The following MRPS28 variants were observed in gnomAD, a reference collection of about 807,000 sequenced individuals.
MRPS28 encodes small ribosomal subunit protein bS1m.
In MRPS28, 7 loss-of-function variants were observed where a neutral mutation model predicts 10.8. That is an observed-to-expected ratio of 0.65 (90% CI 0.37 to 1.22). MRPS28 has a LOEUF of 1.22. Among genes scored for constraint, MRPS28 ranks in the 50% most tolerant of loss-of-function variants. The pLI, the probability that MRPS28 is intolerant of heterozygous loss-of-function variation, is 0.02. For synonymous variants in MRPS28, 121 were observed against 93.3 expected (o/e 1.30, Z -1.71); for missense variants, 265 against 232.9 (o/e 1.14, Z -0.90).
chr8:79,919,161 A>C lies in MRPS28; in HGVS notation c.396-13T>G, dbSNP rs758952530. On this transcript the variant is annotated splice_polypyrimidine_tract_variant and intron_variant, in intron 2 of 2. Transcript: ENST00000276585. ...TTTCTGGTATTTCCTAAATAGTTAA[A>C]AAAAAAAAAATCCATTAATTCTGAA... is the stretch of plus-strand genomic sequence containing the variant. The C allele has an allele frequency of 2.6e-6, 4 of 1,539,494 alleles. No individual in the cohort carries two copies. The East Asian group carries it at 9.1e-5, about 35-fold the overall frequency.
At chr8:79,977,569 C>A (rs1302027999) in intron 2 of MRPS28, among the ~76,000 whole-genome samples, 1 of 152,146 alleles carries the variant, frequency 6.6e-6, no homozygotes, top group Non-Finnish European at 1.5e-5. Context: ...GCAATCCCAG[C>A]ACTTTGGGAG....
chr8:80,017,471 A>T (rs1016574933), intron 1 of MRPS28, among the ~76,000 whole-genome samples: 1 of 152,230 alleles, frequency 6.6e-6, no homozygotes, highest in African/African-American at 2.4e-5. Flanking sequence ...TACTATAAAC[A>T]ACTCTATACC....
At chr8:79,986,909 G>C (rs988234256) in intron 2 of MRPS28, among the ~76,000 whole-genome samples, 2 of 152,130 alleles carry the variant, frequency 1.3e-5, no homozygotes, top group Admixed American at 6.5e-5. Context: ...TTTCTTCACA[G>C]AATTGGAAAA....
intron 1 of MRPS28, among the ~76,000 whole-genome samples, chr8:80,028,298 C>T (rs1404725648): frequency 1.3e-5 from 2 of 152,004 alleles, no homozygotes; most frequent in African/African-American, 2.4e-5. Flanking sequence ...CTTTCCTATA[C>T]ATATATTTGG....
intron 2 of MRPS28, among the ~76,000 whole-genome samples, chr8:79,968,464 A>G (rs1249117470): frequency 6.6e-6 from 1 of 152,158 alleles, no homozygotes; most frequent in Non-Finnish European, 1.5e-5. Context: ...CCTGTCCAGC[A>G]TCAATCTTTG....
chr8:79,927,222 G>A (rs1810253200), intron 2 of MRPS28, among the ~76,000 whole-genome samples: 1 of 152,090 alleles, frequency 6.6e-6, no homozygotes, highest in South Asian at 2.1e-4. Flanking sequence ...GCTACATAAG[G>A]TTTACTGTCA....
chr8:79,968,354 T>C (rs1313369319), intron 2 of MRPS28, among the ~76,000 whole-genome samples: 1 of 152,198 alleles, frequency 6.6e-6, no homozygotes, highest in Non-Finnish European at 1.5e-5. Context: ...CAGAACCACA[T>C]AAATTTCTGG....
intron 1 of MRPS28, among the ~76,000 whole-genome samples, chr8:80,025,075 C>A (rs1415585940): frequency 6.6e-6 from 1 of 152,142 alleles, no homozygotes; most frequent in Non-Finnish European, 1.5e-5. Context: ...ATATTTTAAG[C>A]AGAAACCATT....
At chr8:79,961,930 T>C (rs1807380137) in intron 2 of MRPS28, among the ~76,000 whole-genome samples, 1 of 152,148 alleles carries the variant, frequency 6.6e-6, no homozygotes, top group South Asian at 2.1e-4. Flanking sequence ...GTAAATATTA[T>C]TTTTATTCCA....
chr8:80,016,737 GTTAA>G (rs1466501556), intron 1 of MRPS28, among the ~76,000 whole-genome samples: 1 of 152,102 alleles, frequency 6.6e-6, no homozygotes, highest in East Asian at 1.9e-4. Flanking sequence ...TAATAAAAGG[GTTAA>G]TTATCTGAAG....
chr8:79,923,567 C>CA (rs1466264376), intron 2 of MRPS28, among the ~76,000 whole-genome samples: 1 of 152,100 alleles, frequency 6.6e-6, no homozygotes, highest in Admixed American at 6.6e-5. Context: ...AAAAGCCCCC[C>CA]AGGCAGCAGT....
chr8:79,989,427 C>A (rs1393221252), intron 2 of MRPS28, among the ~76,000 whole-genome samples: 3 of 151,868 alleles, frequency 2.0e-5, no homozygotes, highest in African/African-American at 7.3e-5. Context: ...AGAACAGATG[C>A]CTAAGAGTGA....
At chr8:79,928,610 T>C (rs1468629160) in intron 2 of MRPS28, among the ~76,000 whole-genome samples, 5 of 151,850 alleles carry the variant, frequency 3.3e-5, no homozygotes, top group Non-Finnish European at 5.9e-5. Flanking sequence ...TGGCTAATTT[T>C]TTGTATTTTT....
intron 2 of MRPS28, among the ~76,000 whole-genome samples, chr8:79,959,613 A>G (rs1324827508): frequency 6.6e-6 from 1 of 152,140 alleles, no homozygotes; most frequent in Non-Finnish European, 1.5e-5. Context: ...TGCAGCAAAT[A>G]GAAATGTAAG....
chr8:79,969,319 G>A (rs1469327742), intron 2 of MRPS28, among the ~76,000 whole-genome samples: 1 of 152,082 alleles, frequency 6.6e-6, no homozygotes, highest in Non-Finnish European at 1.5e-5. Flanking sequence ...TCACTTGATA[G>A]GAAGAAACAA....
At chr8:79,920,732 G>A (rs1195142026) in intron 2 of MRPS28, among the ~76,000 whole-genome samples, 1 of 152,164 alleles carries the variant, frequency 6.6e-6, no homozygotes, top group African/African-American at 2.4e-5. Context: ...CTCCCATTCT[G>A]TAGGTTACCT....
intron 1 of MRPS28, among the ~76,000 whole-genome samples, chr8:80,004,480 A>G (rs1808767643): frequency 6.6e-6 from 1 of 152,236 alleles, no homozygotes; most frequent in Non-Finnish European, 1.5e-5. Context: ...CCAAAACCCC[A>G]TCTGTACGTC....
At chr8:79,973,624 T>C (rs1807696765) in intron 2 of MRPS28, among the ~76,000 whole-genome samples, 2 of 152,092 alleles carry the variant, frequency 1.3e-5, no homozygotes, top group Admixed American at 1.3e-4. Flanking sequence ...AGCTAGGGTG[T>C]GCCTTCTACA....
At chr8:79,997,162 G>A (rs1023613434) in intron 2 of MRPS28, among the ~76,000 whole-genome samples, 3 of 152,006 alleles carry the variant, frequency 2.0e-5, no homozygotes, top group African/African-American at 7.2e-5. Flanking sequence ...TAATATGACA[G>A]AAAAAAATGT....
Sources: gnomAD v4.1 joint callset for allele counts (sites outside exome capture counted in the v4.1 genomes callset) on GRCh38, gnomAD v4.1.1 for gene constraint, MANE v1.5 for transcripts, NCBI Gene and HGNC (gene_info 2026-07-23, HGNC 2026-07-21) for gene names.